The following ROBO1 variants were observed in gnomAD, a reference collection of about 807,000 sequenced individuals.
ROBO1 encodes the protein roundabout homolog 1.
In ROBO1, 149 loss-of-function variants were observed where a neutral mutation model predicts 195.9. The ratio of observed to expected loss-of-function variants is 0.76; its 90% CI spans 0.67 to 0.87. ROBO1 has a LOEUF of 0.87. ROBO1 is among the 40% of genes least tolerant of loss of function. The pLI is 0.00. For synonymous variants in ROBO1, 816 were observed against 733.2 expected (o/e 1.11, Z -1.82); for missense variants, 1,933 against 2,068.3 (o/e 0.93, Z 1.27).
chr3:79,592,153 A>G (rs1243541871), intron 1 of ROBO1, among the ~76,000 whole-genome samples: 4 of 151,978 alleles, frequency 2.6e-5, no homozygotes, highest in Non-Finnish European at 5.9e-5. Flanking sequence ...ATAGCCATAT[A>G]TAGCTTATTT....
Position 79,501,706 on chromosome 3 carries a change from C to T in ROBO1, c.88+88118G>A, listed in dbSNP as rs188847422. Among the ~76,000 whole-genome samples, 12 of 152,228 alleles carry T rather than the reference C, an allele frequency of 7.9e-5. No homozygotes were observed. The East Asian group carries it at 2.3e-3, about 29-fold the overall frequency. On this transcript the variant is annotated intron_variant, in intron 2 of 30. Coordinates refer to ENST00000464233, the MANE Select transcript of ROBO1 (RefSeq NM_002941.4). ...TGATTAAATTATTTTTGAAGTTAGGCAAGAAATCTTCGTAATCCCATGATT... is the reference window on the plus strand; with the variant it reads ...TGATTAAATTATTTTTGAAGTTAGGTAAGAAATCTTCGTAATCCCATGATT...
intron 3 of ROBO1, among the ~76,000 whole-genome samples, chr3:79,002,822 G>A (rs2077536374): frequency 1.3e-5 from 2 of 152,090 alleles, no homozygotes; most frequent in African/African-American, 4.8e-5. Context: ...AGTGAAGTTT[G>A]CAGCTAATAC....
chr3:79,727,294 AT>A (rs35934244), intron 1 of ROBO1, among the ~76,000 whole-genome samples: 42,898 of 151,982 alleles, frequency 0.28, 7,634 homozygotes, highest in East Asian at 0.57. Context: ...TACTTTAAAA[AT>A]ATGTGAAATA....
intron 4 of ROBO1, among the ~76,000 whole-genome samples, chr3:78,852,812 G>A (rs1209764574): frequency 6.6e-6 from 1 of 152,166 alleles, no homozygotes; most frequent in African/African-American, 2.4e-5. Flanking sequence ...GACAAACACA[G>A]TTTCAAAGGG....
intron 2 of ROBO1, among the ~76,000 whole-genome samples, chr3:79,485,762 G>A (rs976388443): frequency 1.3e-5 from 2 of 152,090 alleles, no homozygotes; most frequent in African/African-American, 2.4e-5. Flanking sequence ...GACACATGTT[G>A]GCACTTAACA....
chr3:79,195,971 C>A lies in ROBO1; in HGVS notation c.89-70432G>T, dbSNP rs570598758. ...AACAGGTTGTTAGTTAATTAACAGA[C>A]ACATTAATTTAATTATTTATTAAAT... On this transcript the variant is annotated intron_variant, in intron 2 of 30. Coordinates refer to ENST00000464233, the MANE Select transcript of ROBO1 (RefSeq NM_002941.4). Among the ~76,000 whole-genome samples, 5 of 151,564 alleles carry A rather than the reference C, an allele frequency of 3.3e-5. No homozygotes were observed. The East Asian group carries it at 7.8e-4, about 24-fold the overall frequency.
chr3:79,308,882 C>A (rs2033347287), intron 2 of ROBO1, among the ~76,000 whole-genome samples: 1 of 152,126 alleles, frequency 6.6e-6, no homozygotes, highest in South Asian at 2.1e-4. Context: ...ATTCCCAACC[C>A]TCATTAAGGA....
intron 4 of ROBO1, among the ~76,000 whole-genome samples, chr3:78,803,696 A>T (rs1218315857): frequency 6.6e-6 from 1 of 152,126 alleles, no homozygotes; most frequent in Non-Finnish European, 1.5e-5. Context: ...AAGGAGGGCA[A>T]TTGACAGGAT....
At chr3:79,212,972 A>G (rs1418715347) in intron 2 of ROBO1, among the ~76,000 whole-genome samples, 2 of 152,108 alleles carry the variant, frequency 1.3e-5, no homozygotes, top group Non-Finnish European at 2.9e-5. Flanking sequence ...ATTAAATCCT[A>G]AAGAAAAATT....
At chr3:78,894,450 C>T (rs549786536) in intron 4 of ROBO1, among the ~76,000 whole-genome samples, 5 of 152,242 alleles carry the variant, frequency 3.3e-5, no homozygotes, top group Admixed American at 1.3e-4. Context: ...AAAAGATACA[C>T]TAATCTGCTT....
chr3:79,221,837 T>C (rs747104715), intron 2 of ROBO1, among the ~76,000 whole-genome samples: 30 of 152,114 alleles, frequency 2.0e-4, no homozygotes, highest in Non-Finnish European at 3.8e-4. Flanking sequence ...TAAATTAATA[T>C]ATATTTGCTG....
chr3:79,591,409 C>T (rs1039490741), intron 1 of ROBO1, among the ~76,000 whole-genome samples: 32 of 151,816 alleles, frequency 2.1e-4, no homozygotes, highest in Admixed American at 6.6e-4. Context: ...CTATAATCAC[C>T]TGACTTTACT....
At chr3:79,516,620 A>T (rs1228864174) in intron 2 of ROBO1, among the ~76,000 whole-genome samples, 1 of 152,172 alleles carries the variant, frequency 6.6e-6, no homozygotes, top group Non-Finnish European at 1.5e-5. Flanking sequence ...ATAGTATATT[A>T]TACATATTAT....
chr3:79,664,321 A>G (rs1946413647), intron 1 of ROBO1, among the ~76,000 whole-genome samples: 1 of 151,996 alleles, frequency 6.6e-6, no homozygotes, highest in South Asian at 2.1e-4. Context: ...TATTTCGATA[A>G]GTCTGATGTC....
intron 2 of ROBO1, among the ~76,000 whole-genome samples, chr3:79,396,377 T>C (rs1236109240): frequency 6.6e-6 from 1 of 152,070 alleles, no homozygotes; most frequent in East Asian, 1.9e-4. Flanking sequence ...TAGGGTGACA[T>C]TGGGAAGTAT....
chr3:79,455,747 T>C (rs1199158865), intron 2 of ROBO1, among the ~76,000 whole-genome samples: 1 of 152,112 alleles, frequency 6.6e-6, no homozygotes, highest in African/African-American at 2.4e-5. Flanking sequence ...AGTCCTATAC[T>C]GCACTTTTCT....
At chr3:79,257,653 G>A (rs1185679849) in intron 2 of ROBO1, among the ~76,000 whole-genome samples, 1 of 152,064 alleles carries the variant, frequency 6.6e-6, no homozygotes, top group African/African-American at 2.4e-5. Flanking sequence ...AGCAGGAAAG[G>A]GGGAACATTA....
intron 2 of ROBO1, among the ~76,000 whole-genome samples, chr3:79,299,528 T>A (rs913786863): frequency 4.0e-5 from 6 of 151,830 alleles, no homozygotes; most frequent in African/African-American, 1.4e-4. Flanking sequence ...TACTAATAAA[T>A]GTTAACAATT....
intron 4 of ROBO1, among the ~76,000 whole-genome samples, chr3:78,854,128 T>TG (rs1343898170): frequency 6.6e-6 from 1 of 151,814 alleles, no homozygotes; most frequent in African/African-American, 2.4e-5. Context: ...AAGACGGCAA[T>TG]ATCCACTCTT....
Sources: gnomAD v4.1 joint callset for allele counts (sites outside exome capture counted in the v4.1 genomes callset) on GRCh38, gnomAD v4.1.1 for gene constraint, MANE v1.5 for transcripts, NCBI Gene and HGNC (gene_info 2026-07-23, HGNC 2026-07-21) for gene names.